The following KCNG3 variants were observed in gnomAD, a reference collection of about 807,000 sequenced individuals.
The protein encoded by KCNG3 is potassium voltage-gated channel modifier subfamily G member 3.
KCNG3 carries 15 observed loss-of-function variants against 29.0 expected under a neutral mutation model. That is an observed-to-expected ratio of 0.52 (90% CI 0.35 to 0.80). The LOEUF is 0.80. Ranked by LOEUF, KCNG3 falls within the 30% of genes least tolerant of loss-of-function variation. KCNG3 has a pLI of 0.01. For missense variants in KCNG3, 512 were observed against 605.7 expected, an observed-to-expected ratio of 0.85 and a Z score of 1.62; for synonymous variants, 322 against 248.9, an observed-to-expected ratio of 1.29 and a Z score of -2.76.
chr2:42,459,954 C>A (rs1278309505), intron 1 of KCNG3, among the ~76,000 whole-genome samples: 1 of 142,692 alleles, frequency 7.0e-6, no homozygotes, highest in Non-Finnish European at 1.5e-5. Context: ...CCAGCCTGGG[C>A]AATAGAGAGA....
the KCNG3 span, among the ~76,000 whole-genome samples, chr2:42,407,985 C>T: frequency 6.6e-6 from 1 of 152,222 alleles, no homozygotes; most frequent in African/African-American, 2.4e-5. Flanking sequence ...CTGACTTCTC[C>T]CTGCTGTTGG....
the KCNG3 span, among the ~76,000 whole-genome samples, chr2:42,425,415 A>C: frequency 5.3e-4 from 81 of 151,684 alleles, no homozygotes; most frequent in Middle Eastern, 3.4e-3. Flanking sequence ...AAAAAAAAAA[A>C]AAATCAAATC....
At chr2:42,456,645 T>C (rs982017587) in intron 1 of KCNG3, among the ~76,000 whole-genome samples, 1 of 152,188 alleles carries the variant, frequency 6.6e-6, no homozygotes, top group South Asian at 2.1e-4. Flanking sequence ...GTAAACAGTA[T>C]GCCCAACTAG....
At chr2:42,408,727 A>C in the KCNG3 span, among the ~76,000 whole-genome samples, 1 of 152,150 alleles carries the variant, frequency 6.6e-6, no homozygotes, top group Non-Finnish European at 1.5e-5. Context: ...TGGTTGCAGC[A>C]CAAGAACTCG....
the KCNG3 span, among the ~76,000 whole-genome samples, chr2:42,413,925 G>A: frequency 6.6e-5 from 10 of 152,274 alleles, no homozygotes; most frequent in African/African-American, 2.2e-4. Flanking sequence ...ATGAATGTTG[G>A]CGGGGGACAC....
At chr2:42,462,145 G>A (rs969066295) in intron 1 of KCNG3, among the ~76,000 whole-genome samples, 1 of 152,134 alleles carries the variant, frequency 6.6e-6, no homozygotes, top group Non-Finnish European at 1.5e-5. Context: ...TAGATTTTAA[G>A]TGTTGTCACC....
intron 1 of KCNG3, among the ~76,000 whole-genome samples, chr2:42,459,507 A>C (rs1672963570): frequency 1.3e-5 from 2 of 152,338 alleles, no homozygotes; most frequent in South Asian, 4.1e-4. Context: ...AATGTCCTCA[A>C]GTCAGGATGG....
At chr2:42,394,835 C>A in the KCNG3 span, among the ~76,000 whole-genome samples, 1 of 152,214 alleles carries the variant, frequency 6.6e-6, no homozygotes, top group Non-Finnish European at 1.5e-5. Flanking sequence ...CGTCCTCAAC[C>A]TTGGCAACAT....
downstream of KCNG3, among the ~76,000 whole-genome samples, chr2:42,439,465 G>C (rs1672430738): frequency 6.6e-6 from 1 of 151,662 alleles, no homozygotes; most frequent in Admixed American, 6.6e-5. Context: ...GTTTCGCTAT[G>C]TTGGCCAGGC....
chr2:42,433,622 C>T, the KCNG3 span, among the ~76,000 whole-genome samples: 1 of 152,102 alleles, frequency 6.6e-6, no homozygotes, highest in Non-Finnish European at 1.5e-5. Flanking sequence ...CCCTGTAATC[C>T]CAGCTACTTG....
At chr2:42,408,451 G>T in the KCNG3 span, among the ~76,000 whole-genome samples, 1 of 152,164 alleles carries the variant, frequency 6.6e-6, no homozygotes, top group Non-Finnish European at 1.5e-5. Flanking sequence ...ACCTCAGGAT[G>T]ACCAGCTGCA....
At chr2:42,439,671 A>G, downstream of KCNG3, among the ~76,000 whole-genome samples, 1 of 149,556 alleles carries the variant, frequency 6.7e-6, no homozygotes, top group African/African-American at 2.5e-5. Flanking sequence ...TTTGAGACGG[A>G]GTTTCACTTT....
chr2:42,405,924 G>C, the KCNG3 span, among the ~76,000 whole-genome samples: 1 of 151,306 alleles, frequency 6.6e-6, no homozygotes, highest in Non-Finnish European at 1.5e-5. Context: ...GTATTTTTTA[G>C]TAGAGACAGG....
the KCNG3 span, among the ~76,000 whole-genome samples, chr2:42,416,881 T>C: frequency 6.6e-6 from 1 of 152,022 alleles, no homozygotes; most frequent in African/African-American, 2.4e-5. Flanking sequence ...TTAACTGCTC[T>C]GATTTGATCA....
chr2:42,474,863 T>A (rs1673383497), intron 1 of KCNG3, among the ~76,000 whole-genome samples: 1 of 152,140 alleles, frequency 6.6e-6, no homozygotes, highest in South Asian at 2.1e-4. Context: ...TGATGAATCC[T>A]TTGAAAGCAA....
chr2:42,402,895 A>G, the KCNG3 span, among the ~76,000 whole-genome samples: 1 of 152,184 alleles, frequency 6.6e-6, no homozygotes, highest in Non-Finnish European at 1.5e-5. Flanking sequence ...GAATGTAAAA[A>G]ATGTTTGTCA....
chr2:42,481,811 T>C (rs1673591214), intron 1 of KCNG3, among the ~76,000 whole-genome samples: 1 of 152,156 alleles, frequency 6.6e-6, no homozygotes, highest in Non-Finnish European at 1.5e-5. Context: ...TCTTCCCAGG[T>C]GCCTCCTGCA....
intron 1 of KCNG3, among the ~76,000 whole-genome samples, chr2:42,478,681 C>G (rs1263249302): frequency 6.6e-6 from 1 of 152,190 alleles, no homozygotes; most frequent in Admixed American, 6.5e-5. Flanking sequence ...TTCTGTCCCC[C>G]ACCTGCACTG....
At chr2:42,423,710 A>T in the KCNG3 span, among the ~76,000 whole-genome samples, 1 of 151,702 alleles carries the variant, frequency 6.6e-6, no homozygotes, top group East Asian at 1.9e-4. Context: ...ATGTTTTATT[A>T]CTGGTCACTT....
Sources: gnomAD v4.1 joint callset for allele counts (sites outside exome capture counted in the v4.1 genomes callset) on GRCh38, gnomAD v4.1.1 for gene constraint, MANE v1.5 for transcripts, NCBI Gene and HGNC (gene_info 2026-07-23, HGNC 2026-07-21) for gene names.